SECISBP2: variants seen among roughly 807,000 people sequenced by gnomAD.
The protein encoded by SECISBP2 is SECIS binding protein 2.
SECISBP2 carries 96 observed loss-of-function variants against 98.2 expected under a neutral mutation model. The ratio of observed to expected loss-of-function variants is 0.98; its 90% CI spans 0.83 to 1.16. SECISBP2 has a LOEUF of 1.16. Among genes scored for constraint, SECISBP2 ranks in the 50% most tolerant of loss-of-function variants. The pLI is 0.00. For missense variants in SECISBP2, 1,046 were observed against 1,022.9 expected (o/e 1.02, Z -0.31); for synonymous variants, 407 against 370.2 (o/e 1.10, Z -1.14).
At chr9:89,353,973 C>A (rs969432868) in intron 14 of SECISBP2, among the ~76,000 whole-genome samples, 11 of 152,312 alleles carry the variant, frequency 7.2e-5, no homozygotes, top group African/African-American at 2.6e-4. Context: ...TTGCAGTCAT[C>A]TTAAAGATAA....
Position 89,338,477 on chromosome 9 carries a change from GT to G in SECISBP2, c.1110del (p.Ser370ArgfsTer26). ...TTCTAGTCTAAAGCATCACAAGGTA[GT>G]GACCTTGAACAAAATGAAGCCTCAA... The part of the protein sequence containing the change: ...PTQKSKASQG[S>X]DLEQNEASRK... On this transcript the variant is annotated frameshift_variant, in exon 8 of 17. Coordinates refer to ENST00000375807, the MANE Select transcript of SECISBP2 (RefSeq NM_024077.5). LOFTEE classifies it high-confidence loss of function. The G allele has an allele frequency of 6.2e-7, 1 of 1,613,542 alleles. No homozygotes were observed. Among genetic ancestry groups the G allele is most frequent in the African/African-American group, 1.3e-5 (1 of 75,004 alleles).
rs777055522 is a variant in SECISBP2, at chr9:89,358,034, G to A, written c.2304G>A (p.Ala768=). ...ACAAGATGGTTGAGCTGACAGTGGCGGCCCGACAGGCGTACAAGACCATGC... is the reference window on the plus strand; with the variant it reads ...ACAAGATGGTTGAGCTGACAGTGGCAGCCCGACAGGCGTACAAGACCATGC... The part of the protein sequence containing the change: ...QFHKMVELTV[A]ARQAYKTMLE... Residue 768 remains alanine (A), a synonymous_variant, in exon 16 of 17, where the codon GCG becomes GCA. Transcript: ENST00000375807. The A allele has an allele frequency of 6.8e-6, 11 of 1,613,340 alleles. No homozygotes were observed. The African/African-American group carries it at 9.3e-5, about 14-fold the overall frequency.
intron 1 of SECISBP2, among the ~76,000 whole-genome samples, chr9:89,319,232 T>C (rs931537937): frequency 6.6e-6 from 1 of 152,226 alleles, no homozygotes; most frequent in African/African-American, 2.4e-5. Flanking sequence ...TGTGCAACTT[T>C]TTCAAGAAAA....
chr9:89,353,564 C>T (rs985747954), intron 14 of SECISBP2, among the ~76,000 whole-genome samples: 17 of 152,304 alleles, frequency 1.1e-4, no homozygotes, highest in Non-Finnish European at 2.1e-4. Flanking sequence ...TGCCTATTCC[C>T]GACCTTTGGG....
the SECISBP2 span, among the ~76,000 whole-genome samples, chr9:89,366,133 G>A: frequency 4.6e-5 from 7 of 152,310 alleles, no homozygotes; most frequent in African/African-American, 1.4e-4. Context: ...AAGTGCCATC[G>A]AAGAATATTC....
Position 89,338,457 on chromosome 9 carries a change from G to T in SECISBP2, c.1090-1G>T. On this transcript the variant is annotated splice_acceptor_variant, in intron 7 of 16. Coordinates refer to ENST00000375807, the MANE Select transcript of SECISBP2 (RefSeq NM_024077.5). LOFTEE classifies it high-confidence loss of function. ...TTTTTTGCTTTGATTTTCTGTTCTA[G>T]TCTAAAGCATCACAAGGTAGTGACC... 6.2e-7 allele frequency: 1 copy of T among 1,613,414 alleles called. No homozygotes were observed. The highest frequency in any genetic ancestry group is 8.5e-7 in the Non-Finnish European group (1 of 1,179,884).
chr9:89,358,575 G>A (rs1349157676), intron 16 of SECISBP2, 146 bp from the exon 17 acceptor site: 6 of 715,682 alleles, frequency 8.4e-6, no homozygotes, highest in Admixed American at 2.0e-5. Flanking sequence ...TGAGAACAGT[G>A]AGTGAATGTC....
downstream of SECISBP2, among the ~76,000 whole-genome samples, chr9:89,360,521 T>C (rs759217375): frequency 3.3e-5 from 5 of 152,252 alleles, no homozygotes; most frequent in Admixed American, 1.3e-4. Flanking sequence ...TTCTGTGATA[T>C]TTGTTTTGCT....
chr9:89,340,045 G>A (rs552843440), intron 9 of SECISBP2, 92 bp downstream of exon 9: 2 of 878,154 alleles, frequency 2.3e-6, no homozygotes, highest in Non-Finnish European at 3.8e-6. Context: ...AGACATTTCT[G>A]TATGGTGACA....
At chr9:89,332,417 A>G (rs150307733) in intron 5 of SECISBP2, among the ~76,000 whole-genome samples, 6 of 152,338 alleles carry the variant, frequency 3.9e-5, no homozygotes, top group African/African-American at 9.6e-5. Flanking sequence ...TGTCTACCAT[A>G]GTAGTATGGT....
chr9:89,328,563 A>G, intron 4 of SECISBP2, 97 bp from the exon 5 acceptor site: 1 of 867,328 alleles, frequency 1.2e-6, no homozygotes, highest in Non-Finnish European at 1.9e-6. Flanking sequence ...CTGTTGCATC[A>G]ATAGCAATAG....
chr9:89,348,447 C>T (rs930417856), intron 12 of SECISBP2, among the ~76,000 whole-genome samples: 1 of 152,124 alleles, frequency 6.6e-6, no homozygotes, highest in Non-Finnish European at 1.5e-5. Flanking sequence ...GAGGATCCTC[C>T]CTTCCCACCA....
intron 10 of SECISBP2, among the ~76,000 whole-genome samples, chr9:89,344,595 C>T (rs1487036888): frequency 6.6e-6 from 1 of 152,166 alleles, no homozygotes; most frequent in Non-Finnish European, 1.5e-5. Context: ...TGTTTGTCAA[C>T]TTCGTCATTT....
intron 8 of SECISBP2, 34 bp from the exon 9 acceptor site, chr9:89,339,830 A>G (rs1188727015): frequency 6.7e-7 from 1 of 1,484,210 alleles, no homozygotes; most frequent in Admixed American, 1.7e-5. Context: ...GTTTGCATTA[A>G]CAAAAGAGCT....
At chr9:89,347,300 A>G (rs1248568749) in intron 11 of SECISBP2, among the ~76,000 whole-genome samples, 1 of 152,184 alleles carries the variant, frequency 6.6e-6, no homozygotes, top group East Asian at 1.9e-4. Flanking sequence ...TCAACTTTGC[A>G]ATGGATGGAC....
chr9:89,324,471 TTATTA>T (rs767734190), intron 2 of SECISBP2: 30 of 152,310 alleles, frequency 2.0e-4, no homozygotes, highest in Admixed American at 1.6e-3. Flanking sequence ...GCAGTAAACG[TTATTA>T]TATTATAGGT....
chr9:89,351,478 A>G (rs558661276), intron 14 of SECISBP2, among the ~76,000 whole-genome samples: 2 of 152,218 alleles, frequency 1.3e-5, no homozygotes, highest in South Asian at 2.1e-4. Flanking sequence ...AGGAGAACTG[A>G]TAAGAGCAGA....
intron 12 of SECISBP2, among the ~76,000 whole-genome samples, chr9:89,348,689 A>G (rs1356673478): frequency 6.6e-6 from 1 of 152,240 alleles, no homozygotes; most frequent in African/African-American, 2.4e-5. Flanking sequence ...TCAAGAAGCA[A>G]AACACAGCCC....
intron 12 of SECISBP2, 82 bp downstream of exon 12, chr9:89,348,296 C>T: frequency 6.6e-7 from 1 of 1,510,342 alleles, no homozygotes; most frequent in Non-Finnish European, 9.2e-7. Context: ...GCAAACTCTC[C>T]AGGACTTGGC....
Sources: gnomAD v4.1 joint callset for allele counts (sites outside exome capture counted in the v4.1 genomes callset) on GRCh38, gnomAD v4.1.1 for gene constraint, MANE v1.5 for transcripts, NCBI Gene and HGNC (gene_info 2026-07-23, HGNC 2026-07-21) for gene names.